The following ATP6V1H variants were observed in gnomAD, a reference collection of about 807,000 sequenced individuals.
ATP6V1H encodes V-type proton ATPase subunit H.
In ATP6V1H, 39 loss-of-function variants were observed where a neutral mutation model predicts 71.7. That is an observed-to-expected ratio of 0.54 (90% CI 0.42 to 0.71). ATP6V1H has a LOEUF of 0.71. ATP6V1H is among the 30% of genes least tolerant of loss of function. The pLI, the probability that ATP6V1H is intolerant of heterozygous loss-of-function variation, is 0.00. For missense variants in ATP6V1H, 509 were observed against 594.9 expected (o/e 0.86, Z 1.50); for synonymous variants, 192 against 199.3 (o/e 0.96, Z 0.31).
At position 53,814,714 on chromosome 8, in the gene ATP6V1H, C is replaced by T. The variant is rs1324799022; in HGVS notation, c.473G>A (p.Gly158Asp). ...LAAWGKELME[G>D]SDLNYYFNWI... ...ATTGAAATAGTAATTTAAGTCACTGCCTTCCATCAGTTCTTTTCCCCAAGC... is the reference window on the plus strand; with the variant it reads ...ATTGAAATAGTAATTTAAGTCACTGTCTTCCATCAGTTCTTTTCCCCAAGC... Residue 158 changes from glycine to aspartate, a missense_variant, in exon 6 of 14, where the codon GGC (glycine) becomes GAC (aspartate). Physicochemically the swap from Gly to Asp is moderately conservative, Grantham distance 94 (BLOSUM62 -1). Transcript: ENST00000359530. 6.2e-7 allele frequency: 1 copy of T among 1,612,750 alleles called. No individual in the cohort carries two copies.
At chr8:53,747,299 A>G (rs918634569) in intron 12 of ATP6V1H, among the ~76,000 whole-genome samples, 2 of 152,146 alleles carry the variant, frequency 1.3e-5, no homozygotes, top group Admixed American at 6.5e-5. Flanking sequence ...ATGAAAGTCA[A>G]TATTTTTTAA....
At chr8:53,786,192 C>T (rs899576720) in intron 9 of ATP6V1H, among the ~76,000 whole-genome samples, 1 of 152,226 alleles carries the variant, frequency 6.6e-6, no homozygotes, top group Non-Finnish European at 1.5e-5. Context: ...CCACCCAGTT[C>T]AAGCTTCCAG....
At chr8:53,729,677 G>T (rs1347715508) in intron 13 of ATP6V1H, among the ~76,000 whole-genome samples, 1 of 152,174 alleles carries the variant, frequency 6.6e-6, no homozygotes, top group Non-Finnish European at 1.5e-5. Flanking sequence ...TTACATTCCC[G>T]GCATATCCAC....
At position 53,715,921 on chromosome 8, in the gene ATP6V1H, T is replaced by C; in HGVS notation, c.*43A>G. On this transcript the variant is annotated 3_prime_UTR_variant, in exon 14 of 14. Transcript: ENST00000359530. ...TTAACTCTAAACACAGTGCTCCCAC[T>C]ACTGGTTCTGCATTGAGGCGGAGGG... 6.3e-7 allele frequency: 1 copy of C among 1,576,914 alleles called. No individual in the cohort carries two copies.
chr8:53,791,241 A>C (rs1270220783), intron 9 of ATP6V1H, among the ~76,000 whole-genome samples: 2 of 152,238 alleles, frequency 1.3e-5, no homozygotes, highest in Non-Finnish European at 1.5e-5. Context: ...GCAGGAGAGC[A>C]CAGAATAAAG....
chr8:53,808,254 G>A (rs1810155826), intron 7 of ATP6V1H, among the ~76,000 whole-genome samples: 1 of 152,214 alleles, frequency 6.6e-6, no homozygotes, highest in South Asian at 2.1e-4. Context: ...CAAAGTTTGT[G>A]GAGGAATCAC....
intron 13 of ATP6V1H, among the ~76,000 whole-genome samples, chr8:53,732,946 C>G (rs541730269): frequency 6.6e-6 from 1 of 152,118 alleles, no homozygotes; most frequent in Non-Finnish European, 1.5e-5. Context: ...CAGGCAGTCT[C>G]AAATCTGGCC....
intron 13 of ATP6V1H, among the ~76,000 whole-genome samples, chr8:53,721,407 T>A (rs1156682769): frequency 6.6e-6 from 1 of 152,234 alleles, no homozygotes; most frequent in Non-Finnish European, 1.5e-5. Flanking sequence ...CAACTCTTTC[T>A]ACAGTATTTT....
In ATP6V1H at chr8:53,773,741, C is replaced by CAA. The variant is rs551259400; in HGVS notation, c.871-1575_871-1574insTT. ...AGAATGAACCAGATACTAGAACACA[C>CAA]AGACTTCAAAGCAATTATTATAAAA... On this transcript the variant is annotated intron_variant, in intron 9 of 13. Transcript: ENST00000359530. Among the ~76,000 whole-genome samples, 335 of 152,290 alleles carry CAA rather than the reference C, an allele frequency of 2.2e-3. 1 individual carries two copies. Among genetic ancestry groups the CAA allele is most frequent in the African/African-American group, 7.8e-3 (324 of 41,548 alleles).
chr8:53,792,898 C>T (rs1809614208), intron 9 of ATP6V1H, among the ~76,000 whole-genome samples: 1 of 152,166 alleles, frequency 6.6e-6, no homozygotes, highest in Non-Finnish European at 1.5e-5. Context: ...TCTGCCACTT[C>T]CTAGCTATTT....
At chr8:53,791,811 C>T (rs776182689) in intron 9 of ATP6V1H, among the ~76,000 whole-genome samples, 4 of 152,168 alleles carry the variant, frequency 2.6e-5, no homozygotes, top group Non-Finnish European at 5.9e-5. Flanking sequence ...ATTGCTTATT[C>T]ACGTCGACTG....
chr8:53,781,303 A>AT (rs1273633332), intron 9 of ATP6V1H, among the ~76,000 whole-genome samples: 1 of 152,032 alleles, frequency 6.6e-6, no homozygotes, highest in Non-Finnish European at 1.5e-5. Flanking sequence ...GATGATGAGC[A>AT]TTTTTTCATG....
chr8:53,732,740 A>C (rs982370551), intron 13 of ATP6V1H, among the ~76,000 whole-genome samples: 7 of 151,966 alleles, frequency 4.6e-5, no homozygotes, highest in Admixed American at 2.0e-4. Flanking sequence ...TCCCAGAAAC[A>C]ACAAGAGAAA....
intron 13 of ATP6V1H, among the ~76,000 whole-genome samples, chr8:53,733,228 A>G (rs1200315438): frequency 1.3e-5 from 2 of 152,186 alleles, no homozygotes; most frequent in African/African-American, 4.8e-5. Flanking sequence ...GACTTGAAGG[A>G]CGCTTTCTTT....
chr8:53,815,725 C>A (rs561169408), intron 5 of ATP6V1H, among the ~76,000 whole-genome samples: 1 of 152,106 alleles, frequency 6.6e-6, no homozygotes, highest in Non-Finnish European at 1.5e-5. Flanking sequence ...CTTACTGTCA[C>A]AAAATAGACA....
At chr8:53,750,908 A>G (rs1807772481) in intron 12 of ATP6V1H, among the ~76,000 whole-genome samples, 1 of 152,236 alleles carries the variant, frequency 6.6e-6, no homozygotes, top group Non-Finnish European at 1.5e-5. Flanking sequence ...TTGCTTCAGC[A>G]AACACCTAAA....
chr8:53,796,668 T>C (rs1809752062), intron 8 of ATP6V1H, among the ~76,000 whole-genome samples: 1 of 152,118 alleles, frequency 6.6e-6, no homozygotes, highest in South Asian at 2.1e-4. Flanking sequence ...ATATAAGCTA[T>C]GGAAACTTAC....
In ATP6V1H at chr8:53,756,632, C is replaced by T; in HGVS notation, c.1200G>A (p.Val400=). The T allele has an allele frequency of 6.2e-7, 1 of 1,613,958 alleles. No homozygotes were observed. The highest frequency in any genetic ancestry group is 8.5e-7 in the Non-Finnish European group (1 of 1,179,908). The change falls in exon 12 of 14, where the codon GTG becomes GTA. Residue 400 remains valine, a synonymous_variant. Coordinates refer to ENST00000359530, the MANE Select transcript of ATP6V1H (RefSeq NM_015941.4). ...LLKILTKLLE[V]SDDPQVLAVA... ...CAGCTAAGACTTGGGGATCATCTGA[C>T]ACTTCCAAAAGTTTTGTCAAGATTC... is the stretch of plus-strand genomic sequence containing the variant.
Position 53,764,662 on chromosome 8 carries a change from T to C in ATP6V1H, c.1175+4956A>G, listed in dbSNP as rs561271863. Among the ~76,000 whole-genome samples the C allele has an allele frequency of 7.2e-5, 11 of 152,230 alleles. No homozygotes were observed. The East Asian group carries it at 2.1e-3, about 29-fold the overall frequency. On this transcript the variant is annotated intron_variant, in intron 11 of 13. Transcript: ENST00000359530. ...CCTCTCATCACTCTATTCACCATCA[T>C]ATTGGAAGTATCATTAAGTGTAATA...
Sources: gnomAD v4.1 joint callset for allele counts (sites outside exome capture counted in the v4.1 genomes callset) on GRCh38, gnomAD v4.1.1 for gene constraint, MANE v1.5 for transcripts, NCBI Gene and HGNC (gene_info 2026-07-23, HGNC 2026-07-21) for gene names.